The following SH3BGRL2 variants were observed in gnomAD, a reference collection of about 807,000 sequenced individuals.
SH3BGRL2 encodes the protein SH3 domain-binding glutamic acid-rich-like protein 2.
SH3BGRL2 carries 21 observed loss-of-function variants against 14.8 expected under a neutral mutation model. The ratio of observed to expected loss-of-function variants is 1.42; its 90% CI spans 1.01 to 2.05. The LOEUF (loss-of-function observed/expected upper bound fraction) is 2.05. Among genes scored for constraint, SH3BGRL2 ranks in the 30% most tolerant of loss-of-function variants. The pLI, the probability that SH3BGRL2 is intolerant of heterozygous loss-of-function variation, is 0.00. For missense variants in SH3BGRL2, 147 were observed against 130.8 expected (o/e 1.12, Z -0.61); for synonymous variants, 50 against 47.8 (o/e 1.05, Z -0.19).
chr6:79,643,393 A>G (rs1769069261), intron 1 of SH3BGRL2, among the ~76,000 whole-genome samples: 1 of 152,178 alleles, frequency 6.6e-6, no homozygotes, highest in Admixed American at 6.5e-5. Flanking sequence ...GCTGTAATAA[A>G]GAGAGGGAAT....
Position 79,700,498 on chromosome 6 carries a change from T to A in SH3BGRL2, c.*989T>A, listed in dbSNP as rs1770432843. 1 of 152,218 alleles carries A rather than the reference T, an allele frequency of 6.6e-6. No homozygotes were observed. The highest frequency in any genetic ancestry group is 2.1e-4 in the South Asian group (1 of 4,832). The allele number at this position is 152,218 out of a possible 1,614,324, so 9.4% of individuals were successfully genotyped here. A position where few individuals can be genotyped will look rare whatever the true frequency, so the allele number is the denominator to read the frequency against. ...TAGACATATTAAAATATACCAATGT[T>A]GTAGTAAAATTTAATTTTTCCTTTT... On this transcript the variant is annotated 3_prime_UTR_variant, in exon 4 of 4. Coordinates refer to ENST00000369838, the MANE Select transcript of SH3BGRL2 (RefSeq NM_031469.4).
chr6:79,584,615 T>A, the SH3BGRL2 span, among the ~76,000 whole-genome samples: 1 of 152,114 alleles, frequency 6.6e-6, no homozygotes, highest in African/African-American at 2.4e-5. Context: ...GCCCATGTTC[T>A]AGGGAAGTGT....
chr6:79,665,073 G>C lies in SH3BGRL2; in HGVS notation c.46-8541G>C, dbSNP rs191930495. Among the ~76,000 whole-genome samples the C allele has an allele frequency of 4.6e-5, 7 of 152,206 alleles. No homozygotes were observed. In the East Asian group the frequency reaches 1.4e-3, roughly 30 times the overall value. On this transcript the variant is annotated intron_variant, in intron 1 of 3. Transcript: ENST00000369838. The stretch of plus-strand genomic sequence containing the variant: ...AAATTAGCAAGGCGTCGTGGCGGGC[G>C]CCTGTAGTCCCAGCTACTCAGGAGG...
the SH3BGRL2 span, among the ~76,000 whole-genome samples, chr6:79,577,984 G>C: frequency 2.6e-5 from 4 of 152,218 alleles, no homozygotes; most frequent in African/African-American, 9.6e-5. Flanking sequence ...TGCCTGGACC[G>C]GTGGGTCCCA....
At chr6:79,623,792 A>C in the SH3BGRL2 span, among the ~76,000 whole-genome samples, 1 of 152,222 alleles carries the variant, frequency 6.6e-6, no homozygotes, top group African/African-American at 2.4e-5. Flanking sequence ...ATTTCCATTC[A>C]GTAGGCCCCT....
At chr6:79,553,325 C>A in the SH3BGRL2 span, among the ~76,000 whole-genome samples, 21 of 152,082 alleles carry the variant, frequency 1.4e-4, no homozygotes, top group Non-Finnish European at 2.5e-4. Context: ...AGACTGGATT[C>A]CAGTGAACTT....
chr6:79,564,852 C>T, the SH3BGRL2 span, among the ~76,000 whole-genome samples: 16 of 152,040 alleles, frequency 1.1e-4, no homozygotes, highest in Non-Finnish European at 2.2e-4. Flanking sequence ...ATATCTGACC[C>T]GTAATATTCT....
chr6:79,589,718 A>G, the SH3BGRL2 span, among the ~76,000 whole-genome samples: 7 of 152,290 alleles, frequency 4.6e-5, no homozygotes, highest in Non-Finnish European at 7.3e-5. Context: ...ATAGTACAAA[A>G]GAGTGGAATA....
the SH3BGRL2 span, among the ~76,000 whole-genome samples, chr6:79,612,808 A>G: frequency 6.6e-6 from 1 of 152,226 alleles, no homozygotes; most frequent in African/African-American, 2.4e-5. Flanking sequence ...TATTTGCCAC[A>G]AAAATCCTTC....
intron 1 of SH3BGRL2, among the ~76,000 whole-genome samples, chr6:79,649,264 T>C (rs1478305026): frequency 6.6e-6 from 1 of 152,152 alleles, no homozygotes; most frequent in Non-Finnish European, 1.5e-5. Context: ...GCACACCACA[T>C]CAAAGTACAA....
chr6:79,650,914 TATAA>T (rs1769277829), intron 1 of SH3BGRL2, among the ~76,000 whole-genome samples: 1 of 148,790 alleles, frequency 6.7e-6, no homozygotes, highest in Admixed American at 6.7e-5. Context: ...ATAAGTAATA[TATAA>T]ATAATGTATA....
At chr6:79,630,684 AT>A (rs1253350456), upstream of SH3BGRL2, among the ~76,000 whole-genome samples, 1 of 152,060 alleles carries the variant, frequency 6.6e-6, no homozygotes, top group Non-Finnish European at 1.5e-5. Context: ...TTTGGTATTT[AT>A]TTTTTTCTAC....
chr6:79,598,430 G>A, the SH3BGRL2 span, among the ~76,000 whole-genome samples: 1 of 152,204 alleles, frequency 6.6e-6, no homozygotes. Context: ...CAGCAGTAAA[G>A]AAGAAGGAAG....
the SH3BGRL2 span, among the ~76,000 whole-genome samples, chr6:79,540,957 T>TA: frequency 6.6e-6 from 1 of 151,936 alleles, no homozygotes; most frequent in South Asian, 2.1e-4. Flanking sequence ...ACGTGGTAGT[T>TA]AAAGAGAGTT....
chr6:79,624,971 G>T, the SH3BGRL2 span, among the ~76,000 whole-genome samples: 1 of 151,994 alleles, frequency 6.6e-6, no homozygotes, highest in South Asian at 2.1e-4. Context: ...CAGGGTTCCA[G>T]ATGAGCCCAG....
chr6:79,676,940 T>G (rs1769897014), intron 2 of SH3BGRL2, among the ~76,000 whole-genome samples: 1 of 152,228 alleles, frequency 6.6e-6, no homozygotes, highest in South Asian at 2.1e-4. Context: ...TTGATTAAAC[T>G]GTGCCAGGTC....
chr6:79,605,251 A>C, the SH3BGRL2 span, among the ~76,000 whole-genome samples: 1 of 152,230 alleles, frequency 6.6e-6, no homozygotes, highest in Non-Finnish European at 1.5e-5. Context: ...TGTGGTTGAC[A>C]GCTCCGGGTG....
chr6:79,667,251 T>C (rs930898769), intron 1 of SH3BGRL2, among the ~76,000 whole-genome samples: 10 of 152,188 alleles, frequency 6.6e-5, no homozygotes, highest in Non-Finnish European at 1.5e-4. Flanking sequence ...TAATGGAAGT[T>C]AGATTGGTTA....
intron 2 of SH3BGRL2, among the ~76,000 whole-genome samples, chr6:79,687,518 G>C (rs1770123924): frequency 6.6e-6 from 1 of 152,122 alleles, no homozygotes; most frequent in Non-Finnish European, 1.5e-5. Flanking sequence ...CCAAAATGAA[G>C]CTGTTTTAGA....
Sources: allele counts gnomAD v4.1 joint callset (sites outside exome capture counted in the v4.1 genomes callset), GRCh38; gene constraint gnomAD v4.1.1; transcripts MANE v1.5; gene names NCBI Gene and HGNC (gene_info 2026-07-23, HGNC 2026-07-21).